Variants in SEMA5A observed in about 807,000 individuals in gnomAD.
SEMA5A encodes the protein semaphorin 5A.
A neutral mutation model predicts 135.5 loss-of-function variants in SEMA5A; 55 were observed. The ratio of observed to expected loss-of-function variants is 0.41; its 90% CI spans 0.33 to 0.51. SEMA5A has a LOEUF of 0.51. Ranked by LOEUF, SEMA5A falls within the 20% of genes least tolerant of loss-of-function variation. SEMA5A has a pLI of 0.37. For missense variants in SEMA5A, 1,290 were observed against 1,419.9 expected, an observed-to-expected ratio of 0.91 and a Z score of 1.47; for synonymous variants, 580 against 546.5, an observed-to-expected ratio of 1.06 and a Z score of -0.85.
At chr5:9,425,490 C>T (rs1757616382) in intron 2 of SEMA5A, among the ~76,000 whole-genome samples, 1 of 152,204 alleles carries the variant, frequency 6.6e-6, no homozygotes, top group Non-Finnish European at 1.5e-5. Context: ...ACAGTAGAAG[C>T]ACGATTTCCA....
intron 1 of SEMA5A, among the ~76,000 whole-genome samples, chr5:9,519,558 T>G (rs1736700736): frequency 6.6e-6 from 1 of 152,222 alleles, no homozygotes; most frequent in Non-Finnish European, 1.5e-5. Context: ...ACCACATAAT[T>G]AATGCTGAAG....
chr5:9,529,180 T>C (rs1343916582), intron 1 of SEMA5A, among the ~76,000 whole-genome samples: 1 of 152,238 alleles, frequency 6.6e-6, no homozygotes, highest in South Asian at 2.1e-4. Context: ...GCCACCCAAC[T>C]GTGGCCGTGT....
rs373723385 is a variant in SEMA5A at position 9,150,475 on chromosome 5, T to TA, written c.1481+4012dup. Among the ~76,000 whole-genome samples, 46 of 151,282 alleles carry TA rather than the reference T, an allele frequency of 3.0e-4. No individual in the cohort carries two copies. The South Asian group carries it at 5.4e-3, about 18-fold the overall frequency. On this transcript the variant is annotated intron_variant, in intron 12 of 22. Coordinates refer to ENST00000382496, the MANE Select transcript of SEMA5A (RefSeq NM_003966.3). ...CACTCTATCTATTAAATGGCTGTGC[T>TA]AAAAAAAAATGCTAACATCAAAACA...
At chr5:9,467,586 A>T (rs1034022394) in intron 1 of SEMA5A, among the ~76,000 whole-genome samples, 2 of 152,128 alleles carry the variant, frequency 1.3e-5, no homozygotes, top group African/African-American at 2.4e-5. Context: ...TACCTGGAAA[A>T]AGCTCTTTGT....
intron 17 of SEMA5A, among the ~76,000 whole-genome samples, chr5:9,064,643 G>A (rs1445424591): frequency 5.9e-5 from 9 of 152,080 alleles, no homozygotes; most frequent in East Asian, 1.9e-4. Context: ...GGGGCCTGTC[G>A]GGGGTAGGGA....
rs775094244 is a variant in SEMA5A, at chr5:9,054,159, G to C, written c.2617C>G (p.Pro873Ala). ...AGGCAGATGTCCCCTCCATAGGCCG[G>C]GGCTGGATTGGAGCAAGAGCGGGTC... is the stretch of plus-strand genomic sequence containing the variant. Reference protein sequence around the residue: ...MRTRSCSNPAPAYGGDICLGL... With the variant: ...MRTRSCSNPAAAYGGDICLGL... The change falls in exon 19 of 23, where the codon CCG becomes GCG. Residue 873 changes from proline to alanine, a missense_variant. Physicochemically the swap from Pro to Ala is conservative, Grantham distance 27 (BLOSUM62 -1). This residue lies in a region of SEMA5A where 1,029 missense variants were observed against 1,086.6 expected (regional missense o/e 0.95). Transcript: ENST00000382496. 16 of 1,613,958 alleles carry C rather than the reference G, an allele frequency of 9.9e-6. No homozygotes were observed. In the Admixed American group the frequency reaches 2.7e-4, roughly 27 times the overall value.
At chr5:9,324,109 C>T (rs568727734) in intron 4 of SEMA5A, among the ~76,000 whole-genome samples, 1 of 151,926 alleles carries the variant, frequency 6.6e-6, no homozygotes, top group Admixed American at 6.6e-5. Context: ...CGCTCTTCCG[C>T]CCAGGCCAGA....
chr5:9,521,349 G>A (rs921256024), intron 1 of SEMA5A, among the ~76,000 whole-genome samples: 27 of 152,324 alleles, frequency 1.8e-4, no homozygotes, highest in South Asian at 1.2e-3. Context: ...GGTGGAGGCC[G>A]CAGTGAGCGG....
intron 1 of SEMA5A, among the ~76,000 whole-genome samples, chr5:9,500,007 G>T (rs1391830148): frequency 1.3e-5 from 2 of 152,122 alleles, no homozygotes; most frequent in African/African-American, 4.8e-5. Flanking sequence ...AAATATATGA[G>T]ATCTGAAGCT....
chr5:9,389,550 A>G (rs1036663953), intron 2 of SEMA5A, among the ~76,000 whole-genome samples: 15 of 152,046 alleles, frequency 9.9e-5, no homozygotes, highest in African/African-American at 3.6e-4. Context: ...GATACCCACC[A>G]TTCCCTCCTC....
At position 9,136,492 on chromosome 5, in the gene SEMA5A, G is replaced by A. The variant is rs776901923; in HGVS notation, c.1599+12C>T. 7 of 1,604,586 alleles carry A rather than the reference G, an allele frequency of 4.4e-6. No individual in the cohort carries two copies. The highest frequency in any genetic ancestry group is 1.7e-4 in the Middle Eastern group (1 of 6,032). ...GCAGCATTTTCAGAGGATGGAGAAGGTGGGCACTCACCGGACACGCAGAGA... is the reference window on the plus strand; with the variant it reads ...GCAGCATTTTCAGAGGATGGAGAAGATGGGCACTCACCGGACACGCAGAGA... On this transcript the variant is annotated intron_variant, in intron 13 of 22. Transcript: ENST00000382496.
intron 1 of SEMA5A, among the ~76,000 whole-genome samples, chr5:9,542,526 T>A (rs542980126): frequency 8.5e-5 from 13 of 152,350 alleles, no homozygotes; most frequent in Non-Finnish European, 1.8e-4. Flanking sequence ...TTGTACTTAG[T>A]TGTAACTCAA....
At chr5:9,430,339 T>C (rs1005345136) in intron 2 of SEMA5A, among the ~76,000 whole-genome samples, 3 of 152,224 alleles carry the variant, frequency 2.0e-5, no homozygotes, top group African/African-American at 7.2e-5. Context: ...AAATAGGCAG[T>C]TGAATATATA....
In SEMA5A at chr5:9,500,720, A is replaced by G. The variant is rs7711435; in HGVS notation, c.-175+44864T>C. ...ATATAGGGTATACTTATACTGAAAAATTTGCTAATTCTGGCAACCCCACAT... is the reference window on the plus strand; with the variant it reads ...ATATAGGGTATACTTATACTGAAAAGTTTGCTAATTCTGGCAACCCCACAT... On this transcript the variant is annotated intron_variant, in intron 1 of 22. Coordinates refer to ENST00000382496, the MANE Select transcript of SEMA5A (RefSeq NM_003966.3). Among the ~76,000 whole-genome samples the G allele has an allele frequency of 3.2e-3, 489 of 152,274 alleles. 2 individuals are homozygous for G. In the South Asian group the frequency reaches 0.041, roughly 13 times the overall value.
At chr5:9,354,449 G>A (rs568694899) in intron 3 of SEMA5A, among the ~76,000 whole-genome samples, 2 of 151,962 alleles carry the variant, frequency 1.3e-5, no homozygotes, top group African/African-American at 4.8e-5. Flanking sequence ...GACCCTTCCT[G>A]CTCTGGGCCC....
intron 1 of SEMA5A, among the ~76,000 whole-genome samples, chr5:9,499,685 G>A (rs971090188): frequency 2.6e-5 from 4 of 152,074 alleles, no homozygotes; most frequent in Admixed American, 2.6e-4. Flanking sequence ...CTCTTTTATC[G>A]CTCAAGACAA....
intron 1 of SEMA5A, among the ~76,000 whole-genome samples, chr5:9,453,209 TA>T (rs2126709507): frequency 1.3e-5 from 2 of 152,350 alleles, no homozygotes; most frequent in Admixed American, 1.3e-4. Flanking sequence ...ACCTGTTAGC[TA>T]AAGTGTATTT....
intron 5 of SEMA5A, among the ~76,000 whole-genome samples, chr5:9,293,733 AT>A (rs1236214709): frequency 6.6e-6 from 1 of 152,202 alleles, no homozygotes; most frequent in East Asian, 1.9e-4. Context: ...CATATGTCTA[AT>A]TTAGCCCTAT....
chr5:9,213,511 C>A (rs1746456255), intron 8 of SEMA5A, among the ~76,000 whole-genome samples: 1 of 152,118 alleles, frequency 6.6e-6, no homozygotes, highest in Non-Finnish European at 1.5e-5. Flanking sequence ...GGCATTTGAG[C>A]AAAGACTCAA....
Sources: gnomAD v4.1 joint callset for allele counts (sites outside exome capture counted in the v4.1 genomes callset) on GRCh38, gnomAD v4.1.1 for gene constraint, gnomAD v4.1.1 regional missense constraint, MANE v1.5 for transcripts, NCBI Gene and HGNC (gene_info 2026-07-23, HGNC 2026-07-21) for gene names.